The following PRDM16 variants were observed in gnomAD, a reference collection of about 807,000 sequenced individuals.
PRDM16 encodes the protein histone-lysine N-methyltransferase PRDM16.
A neutral mutation model predicts 110.6 loss-of-function variants in PRDM16; 23 were observed. The ratio of observed to expected loss-of-function variants is 0.21; its 90% confidence interval spans 0.15 to 0.29. PRDM16 has a LOEUF of 0.29. Ranked by LOEUF, PRDM16 falls within the 10% of genes least tolerant of loss-of-function variation. The probability of loss-of-function intolerance (pLI) is 1.00; values close to 1 mark genes in which losing one functional copy is unlikely to be tolerated. For missense variants in PRDM16, 1,615 were observed against 1,794.3 expected (o/e 0.90, Z 1.81); for synonymous variants, 799 against 781.8 (o/e 1.02, Z -0.37).
rs117754397 is a variant in PRDM16 at position 3,401,789 on chromosome 1, T to C, written c.677-1002T>C. On this transcript the variant is annotated intron_variant, in intron 5 of 16. Coordinates refer to ENST00000270722, the MANE Select transcript of PRDM16 (RefSeq NM_022114.4). ...CACGTGCATTCACACATGCAAAGTA[T>C]GCACCCACATGAACACACAGATGCA... Among the ~76,000 whole-genome samples, 13 of 152,328 alleles carry C rather than the reference T, an allele frequency of 8.5e-5. No individual in the cohort carries two copies. The East Asian group carries it at 2.5e-3, about 29-fold the overall frequency.
rs964926631 is a variant in PRDM16 at position 3,434,634 on chromosome 1, G to A, written c.*823G>A. On this transcript the variant is annotated 3_prime_UTR_variant, in exon 17 of 17. Transcript: ENST00000270722. The stretch of plus-strand genomic sequence containing the variant: ...TGGGATGGGAAGTGTGCCTGCCCTC[G>A]TGTGACATGGAATTGGTGTCAGGAC... 64 of 232,360 alleles carry A rather than the reference G, an allele frequency of 2.8e-4. No homozygotes were observed. The East Asian group carries it at 3.8e-3, about 14-fold the overall frequency. The allele number at this position is 232,360 out of a possible 1,614,324, so 14.4% of individuals were successfully genotyped here.
chr1:3,171,860 C>T (rs1416769383), intron 1 of PRDM16, among the ~76,000 whole-genome samples: 3 of 152,158 alleles, frequency 2.0e-5, no homozygotes, highest in Admixed American at 6.5e-5. Flanking sequence ...AACCTCTTGT[C>T]GCCCTGCTTG....
intron 3 of PRDM16, among the ~76,000 whole-genome samples, chr1:3,252,175 A>G (rs976997056): frequency 2.6e-5 from 4 of 151,992 alleles, no homozygotes; most frequent in Non-Finnish European, 4.4e-5. Flanking sequence ...CCTGAGCCCT[A>G]TCTCCCTGTA....
intron 1 of PRDM16, among the ~76,000 whole-genome samples, chr1:3,165,481 T>G (rs113710812): frequency 0.12 from 2,975 of 24,470 alleles, 38 homozygotes; most frequent in East Asian, 0.33. Context: ...TCAGGGACAG[T>G]GACTCACCTG....
At chr1:3,071,845 G>A (rs1641769946) in intron 1 of PRDM16, among the ~76,000 whole-genome samples, 1 of 152,320 alleles carries the variant, frequency 6.6e-6, no homozygotes, top group South Asian at 2.1e-4. Context: ...CATTTCGGGG[G>A]CCACCGCCGA....
intron 3 of PRDM16, among the ~76,000 whole-genome samples, chr1:3,344,564 G>C (rs1384877813): frequency 6.6e-6 from 1 of 152,162 alleles, no homozygotes; most frequent in African/African-American, 2.4e-5. Context: ...TAGGCTATGG[G>C]TGACAATTTC....
chr1:3,410,048 C>T (rs976921169), intron 8 of PRDM16, among the ~76,000 whole-genome samples: 10 of 119,046 alleles, frequency 8.4e-5, no homozygotes, highest in Admixed American at 5.4e-4. Context: ...TGTGTGTGTA[C>T]GAATGTGGTG....
intron 3 of PRDM16, among the ~76,000 whole-genome samples, chr1:3,352,055 G>A (rs376946794): frequency 5.3e-5 from 8 of 152,148 alleles, no homozygotes; most frequent in African/African-American, 1.9e-4. Flanking sequence ...GCGAGGGAAT[G>A]GGGAGCACAG....
rs13328679 is a variant in PRDM16, at chr1:3,080,908, C to G, written c.37+11612C>G. ...CCCGGCCCGAGCACCCAACGCTTCC[C>G]GGAGAGCTTGTGTGCCTGAGAGTGT... is the stretch of plus-strand genomic sequence containing the variant. On this transcript the variant is annotated intron_variant, in intron 1 of 16. Coordinates refer to ENST00000270722, the MANE Select transcript of PRDM16 (RefSeq NM_022114.4). The surrounding 1 kb of genome is among the most constrained non-coding windows in gnomAD (Gnocchi z 5.2). Among the ~76,000 whole-genome samples the G allele has an allele frequency of 3.3e-5, 5 of 151,880 alleles. No homozygotes were observed. The highest frequency in any genetic ancestry group is 5.9e-5 in the Non-Finnish European group (4 of 67,964).
intron 2 of PRDM16, among the ~76,000 whole-genome samples, chr1:3,232,667 A>G (rs1639444669): frequency 6.6e-6 from 1 of 152,208 alleles, no homozygotes; most frequent in Non-Finnish European, 1.5e-5. Flanking sequence ...TGACACTGGC[A>G]GCTGCTTCTG....
intron 1 of PRDM16, among the ~76,000 whole-genome samples, chr1:3,128,727 C>T (rs867416650): frequency 2.0e-4 from 31 of 152,140 alleles, no homozygotes; most frequent in East Asian, 3.9e-4. Flanking sequence ...CCACCCGGGT[C>T]GGTGGCTGTT....
In PRDM16 at chr1:3,229,239, A is replaced by G. The variant is rs1639355806; in HGVS notation, c.388-14848A>G. Among the ~76,000 whole-genome samples, 3 of 152,170 alleles carry G rather than the reference A, an allele frequency of 2.0e-5. No homozygotes were observed. In the South Asian group the frequency reaches 6.2e-4, roughly 31 times the overall value. On this transcript the variant is annotated intron_variant, in intron 2 of 16. Coordinates refer to ENST00000270722, the MANE Select transcript of PRDM16 (RefSeq NM_022114.4). ...TATTCCCCCAGGGCCATCGTTACCC[A>G]CACACGGGCTGGGTGGACAGGTGTC...
At chr1:3,418,184 C>G (rs937153853) in intron 11 of PRDM16, among the ~76,000 whole-genome samples, 187 bp downstream of exon 11, 16 of 152,260 alleles carry the variant, frequency 1.1e-4, no homozygotes, top group African/African-American at 3.9e-4. Flanking sequence ...CCTCCCCTGC[C>G]TCACGCCATG....
At chr1:3,110,161 G>A (rs1036203860) in intron 1 of PRDM16, among the ~76,000 whole-genome samples, 13 of 144,698 alleles carry the variant, frequency 9.0e-5, no homozygotes, top group Non-Finnish European at 4.5e-5. Flanking sequence ...TGTCCTGGGT[G>A]TGGGGACACA....
At chr1:3,373,721 G>A (rs1469466058) in intron 3 of PRDM16, among the ~76,000 whole-genome samples, 11 of 152,282 alleles carry the variant, frequency 7.2e-5, no homozygotes, top group South Asian at 2.1e-4. Flanking sequence ...GCCTGGCCCC[G>A]TGTGGCAAAC....
At chr1:3,145,110 C>T (rs780181887) in intron 1 of PRDM16, among the ~76,000 whole-genome samples, 2 of 152,226 alleles carry the variant, frequency 1.3e-5, no homozygotes, top group Non-Finnish European at 2.9e-5. Flanking sequence ...AGGGGCTGAC[C>T]TGGCAGGTGA....
At chr1:3,276,720 G>GGGTGCCGTGAACAGAGCCAGCGAGA (rs1557575574) in intron 3 of PRDM16, among the ~76,000 whole-genome samples, 1 of 131,876 alleles carries the variant, frequency 7.6e-6, no homozygotes, top group Non-Finnish European at 1.5e-5. Flanking sequence ...AGCCAGCGAG[G>GGGTGCCGTGAACAGAGCCAGCGAGA]GGTGCCTGTT....
intron 3 of PRDM16, among the ~76,000 whole-genome samples, chr1:3,380,420 G>A (rs1643082350): frequency 1.3e-5 from 2 of 152,122 alleles, no homozygotes; most frequent in Admixed American, 1.3e-4. Flanking sequence ...CCGGCCTCCG[G>A]GGACAAGGAG....
chr1:3,327,399 C>T (rs900185855), intron 3 of PRDM16, among the ~76,000 whole-genome samples: 1 of 152,186 alleles, frequency 6.6e-6, no homozygotes, highest in Non-Finnish European at 1.5e-5. Context: ...ATGTGGACAC[C>T]CAGTCCCAAC....
Sources: gnomAD v4.1 joint callset for allele counts (sites outside exome capture counted in the v4.1 genomes callset) on GRCh38, gnomAD v4.1.1 for gene constraint, Gnocchi (gnomAD v3.1) non-coding constraint, MANE v1.5 for transcripts, NCBI Gene and HGNC (gene_info 2026-07-23, HGNC 2026-07-21) for gene names.